Variants in ULK4 observed in about 807,000 individuals in gnomAD.
The protein encoded by ULK4 is unc-51 like kinase 4.
A neutral mutation model predicts 160.6 loss-of-function variants in ULK4; 133 were observed. The observed-to-expected ratio is 0.83, with a 90% CI of 0.72 to 0.96. ULK4 has a LOEUF of 0.96. ULK4 is among the 40% of genes least tolerant of loss of function. The pLI is 0.00. For missense variants in ULK4, 1,580 were observed against 1,499.5 expected (o/e 1.05, Z -0.89); for synonymous variants, 534 against 539.8 (o/e 0.99, Z 0.15).
rs1179728861 is a variant in ULK4, at chr3:41,912,817, G to A, written c.886C>T (p.Leu296Phe). The change falls in exon 9 of 37, where the codon CTC becomes TTC. Residue 296 changes from leucine to phenylalanine, a missense_variant. Physicochemically the swap from Leu to Phe is conservative, Grantham distance 22. Coordinates refer to ENST00000301831, the MANE Select transcript of ULK4 (RefSeq NM_017886.4). ...GADQESSVED[L>F]SLSRNTMECS... ...GTAAGTGTATACTACCTGAGACTGA[G>A]ATCTTCGACGCTTGATTCCTGATCT... The A allele has an allele frequency of 6.2e-7, 1 of 1,614,006 alleles. No individual in the cohort carries two copies. The highest frequency in any genetic ancestry group is 8.5e-7 in the Non-Finnish European group (1 of 1,180,002).
intron 22 of ULK4, among the ~76,000 whole-genome samples, chr3:41,733,725 ATTTTTTTTTTTTTTTT>A (rs778572755): frequency 3.2e-5 from 3 of 93,620 alleles, no homozygotes; most frequent in African/African-American, 1.9e-4. Flanking sequence ...TAAACACATG[ATTTTTTTTTTTTTTTT>A]TTTTTTTTTT....
At chr3:41,404,704 A>C (rs1488837362) in intron 34 of ULK4, among the ~76,000 whole-genome samples, 1 of 152,098 alleles carries the variant, frequency 6.6e-6, no homozygotes, top group African/African-American at 2.4e-5. Flanking sequence ...ATTCCTTATA[A>C]AAGGACAAGT....
At chr3:41,841,622 T>G (rs901710534) in intron 17 of ULK4, among the ~76,000 whole-genome samples, 3 of 151,754 alleles carry the variant, frequency 2.0e-5, no homozygotes, top group African/African-American at 7.3e-5. Context: ...ATCTGGGAAG[T>G]GTACCCAACA....
In ULK4 at chr3:41,598,634, T is replaced by C. The variant is rs1472326710; in HGVS notation, c.3120+17035A>G. On this transcript the variant is annotated intron_variant, in intron 31 of 36. Coordinates refer to ENST00000301831, the MANE Select transcript of ULK4 (RefSeq NM_017886.4). ...CATCATCAAATATATGTGGCTATTT[T>C]TACGGCCCAGAGAATACACATCCAC... 2.0e-5 allele frequency among the ~76,000 whole-genome samples: 3 copies of C among 152,086 alleles called. No homozygotes were observed. In the East Asian group the frequency reaches 5.8e-4, roughly 29 times the overall value.
At chr3:41,585,620 G>A (rs2030737397) in intron 31 of ULK4, among the ~76,000 whole-genome samples, 1 of 152,110 alleles carries the variant, frequency 6.6e-6, no homozygotes, top group Non-Finnish European at 1.5e-5. Context: ...AATGATTTCT[G>A]TTATATGACA....
At chr3:41,721,602 G>A (rs534273809) in intron 22 of ULK4, among the ~76,000 whole-genome samples, 6 of 151,440 alleles carry the variant, frequency 4.0e-5, no homozygotes, top group East Asian at 2.0e-4. Context: ...TTCTGACCTC[G>A]TGATCCACCC....
intron 18 of ULK4, among the ~76,000 whole-genome samples, chr3:41,831,531 A>ATAT: frequency 1.3e-4 from 18 of 138,066 alleles, no homozygotes; most frequent in African/African-American, 5.1e-4. Flanking sequence ...ATATATATAT[A>ATAT]TTTTTTTTTC....
Position 41,665,337 on chromosome 3 carries a change from A to G in ULK4, c.2979-1638T>C, listed in dbSNP as rs548063535. Among the ~76,000 whole-genome samples, 117 of 152,300 alleles carry G rather than the reference A, an allele frequency of 7.7e-4. 3 individuals are homozygous for G. Among genetic ancestry groups the G allele is most frequent in the African/African-American group, 2.6e-3 (108 of 41,564 alleles). On this transcript the variant is annotated intron_variant, in intron 29 of 36. Coordinates refer to ENST00000301831, the MANE Select transcript of ULK4 (RefSeq NM_017886.4). ...ATTGTAAGAAGTAGGACTTGAAAGC[A>G]TAAGAAAAACAAAAAAAAGCAGTCC... is the stretch of plus-strand genomic sequence containing the variant.
intron 34 of ULK4, among the ~76,000 whole-genome samples, chr3:41,432,681 T>G (rs990261534): frequency 6.6e-6 from 1 of 152,186 alleles, no homozygotes; most frequent in African/African-American, 2.4e-5. Flanking sequence ...ATGATTATGA[T>G]GCATGGAATA....
At position 41,491,170 on chromosome 3, in the gene ULK4, C is replaced by T. The variant is rs1037204055; in HGVS notation, c.3227-27917G>A. The stretch of plus-strand genomic sequence containing the variant: ...GACGGCCTTAAACAAATAAAGAGCC[C>T]TACCATATTTTTGAATAGGAAAGCT... On this transcript the variant is annotated intron_variant, in intron 32 of 36. Coordinates refer to ENST00000301831, the MANE Select transcript of ULK4 (RefSeq NM_017886.4). 2.0e-5 allele frequency among the ~76,000 whole-genome samples: 3 copies of T among 152,112 alleles called. No individual in the cohort carries two copies. The South Asian group carries it at 6.2e-4, about 32-fold the overall frequency.
At chr3:41,832,630 A>T (rs1223696356) in intron 18 of ULK4, among the ~76,000 whole-genome samples, 1 of 152,178 alleles carries the variant, frequency 6.6e-6, no homozygotes, top group Non-Finnish European at 1.5e-5. Flanking sequence ...TATGTCCTAA[A>T]TGGTACTGCC....
chr3:41,812,038 C>T (rs150118626), intron 19 of ULK4, among the ~76,000 whole-genome samples: 49 of 152,098 alleles, frequency 3.2e-4, no homozygotes, highest in Admixed American at 3.1e-3. Context: ...TTCCTTCCAG[C>T]GCTTTGGGAA....
intron 27 of ULK4, among the ~76,000 whole-genome samples, chr3:41,703,891 G>A (rs1442800523): frequency 4.6e-5 from 7 of 151,578 alleles, no homozygotes; most frequent in Middle Eastern, 3.4e-3. Context: ...AACTGTGTTT[G>A]AAGGGTGGGG....
At chr3:41,676,386 T>C (rs2035714972) in intron 29 of ULK4, among the ~76,000 whole-genome samples, 1 of 152,144 alleles carries the variant, frequency 6.6e-6, no homozygotes, top group Non-Finnish European at 1.5e-5. Flanking sequence ...ATGGGAAAAC[T>C]GTCCTAAGAG....
intron 12 of ULK4, among the ~76,000 whole-genome samples, chr3:41,906,187 A>G (rs1205599675): frequency 1.6e-5 from 2 of 121,802 alleles, no homozygotes; most frequent in Non-Finnish European, 3.2e-5. Context: ...ACTGCACTCC[A>G]GCCTGGGCGA....
At chr3:41,672,015 C>T (rs969588253) in intron 29 of ULK4, among the ~76,000 whole-genome samples, 1 of 151,998 alleles carries the variant, frequency 6.6e-6, no homozygotes, top group Non-Finnish European at 1.5e-5. Flanking sequence ...CAAGTCAAAA[C>T]CACAATGAGA....
At chr3:41,551,877 A>T (rs2087081309) in intron 32 of ULK4, among the ~76,000 whole-genome samples, 1 of 152,090 alleles carries the variant, frequency 6.6e-6, no homozygotes. Context: ...AAACACTAGC[A>T]AAAAGAATCC....
chr3:41,761,978 G>A (rs2038998617), intron 21 of ULK4, among the ~76,000 whole-genome samples: 1 of 152,054 alleles, frequency 6.6e-6, no homozygotes, highest in African/African-American at 2.4e-5. Flanking sequence ...TAGCTACTTA[G>A]ATGGCTGAGG....
At position 41,540,946 on chromosome 3, in the gene ULK4, A is replaced by C. The variant is rs138350813; in HGVS notation, c.3226+25079T>G. 2.0e-4 allele frequency among the ~76,000 whole-genome samples: 31 copies of C among 152,186 alleles called. 1 individual carries two copies. In the East Asian group the frequency reaches 5.0e-3, roughly 25 times the overall value. The stretch of plus-strand genomic sequence containing the variant: ...TGGATATTATCCCTTTGTCAGACAG[A>C]TAGAGTGCAAAAATTTTCTCCCATT... On this transcript the variant is annotated intron_variant, in intron 32 of 36. Coordinates refer to ENST00000301831, the MANE Select transcript of ULK4 (RefSeq NM_017886.4).
Sources: allele counts gnomAD v4.1 joint callset (sites outside exome capture counted in the v4.1 genomes callset), GRCh38; gene constraint gnomAD v4.1.1; transcripts MANE v1.5; gene names NCBI Gene and HGNC (gene_info 2026-07-23, HGNC 2026-07-21).